AGTPBP1: variants seen among roughly 807,000 people sequenced by gnomAD.
AGTPBP1 encodes the protein ATP/GTP binding carboxypeptidase 1.
AGTPBP1 carries 70 observed loss-of-function variants against 143.9 expected under a neutral mutation model. The observed-to-expected ratio is 0.49, with a 90% CI of 0.40 to 0.59. The LOEUF is 0.59. Ranked by LOEUF, AGTPBP1 falls within the 20% of genes least tolerant of loss-of-function variation. The pLI is 0.00. For missense variants in AGTPBP1, 1,229 were observed against 1,464.5 expected (o/e 0.84, Z 2.62); for synonymous variants, 463 against 500.2 (o/e 0.93, Z 0.99).
chr9:85,797,961 C>G, the AGTPBP1 span, among the ~76,000 whole-genome samples: 1 of 152,148 alleles, frequency 6.6e-6, no homozygotes, highest in South Asian at 2.1e-4. Flanking sequence ...GGCATAATCT[C>G]CGCTCACTGC....
chr9:85,682,625 C>G (rs1835258130), intron 3 of AGTPBP1, among the ~76,000 whole-genome samples: 1 of 152,174 alleles, frequency 6.6e-6, no homozygotes, highest in South Asian at 2.1e-4. Context: ...TCAACCCACT[C>G]TCAATACAGT....
At chr9:85,562,646 T>G (rs1826815412) in intron 25 of AGTPBP1, among the ~76,000 whole-genome samples, 1 of 152,198 alleles carries the variant, frequency 6.6e-6, no homozygotes, top group African/African-American at 2.4e-5. Flanking sequence ...AGAAACTAAA[T>G]GGAACGACTG....
chr9:85,725,548 A>G (rs1010562875), intron 1 of AGTPBP1, among the ~76,000 whole-genome samples: 1 of 152,136 alleles, frequency 6.6e-6, no homozygotes, highest in Non-Finnish European at 1.5e-5. Context: ...CTCCATAGGC[A>G]CCGCCAACTA....
chr9:85,635,756 T>C (rs963093216), intron 13 of AGTPBP1, among the ~76,000 whole-genome samples: 1 of 151,800 alleles, frequency 6.6e-6, no homozygotes, highest in African/African-American at 2.4e-5. Context: ...TTAAGGTGAT[T>C]TCCCTCTCAA....
the AGTPBP1 span, among the ~76,000 whole-genome samples, chr9:85,783,186 G>A: frequency 1.3e-5 from 2 of 152,198 alleles, no homozygotes; most frequent in African/African-American, 2.4e-5. Context: ...TTGGAGAGGT[G>A]TAAAATGAGA....
chr9:85,675,155 C>A (rs964602354), intron 6 of AGTPBP1, among the ~76,000 whole-genome samples: 3 of 152,112 alleles, frequency 2.0e-5, no homozygotes, highest in Non-Finnish European at 4.4e-5. Flanking sequence ...CTTGGCCTCT[C>A]AAAGTGCTGG....
chr9:85,596,301 G>T, intron 18 of AGTPBP1, 61 bp downstream of exon 18: 1 of 1,133,318 alleles, frequency 8.8e-7, no homozygotes, highest in Non-Finnish European at 1.3e-6. Flanking sequence ...CACTGAAACA[G>T]GATGTACTTA....
chr9:85,717,641 A>T (rs565700389), intron 1 of AGTPBP1, among the ~76,000 whole-genome samples: 2 of 151,996 alleles, frequency 1.3e-5, no homozygotes, highest in East Asian at 3.9e-4. Context: ...TAATTAGGTC[A>T]TAAGGGTGGA....
chr9:85,711,366 A>G (rs1312385757), intron 2 of AGTPBP1, among the ~76,000 whole-genome samples: 2 of 152,102 alleles, frequency 1.3e-5, no homozygotes, highest in Non-Finnish European at 2.9e-5. Flanking sequence ...CAATTTCTTG[A>G]TATTTAAGAA....
intron 3 of AGTPBP1, among the ~76,000 whole-genome samples, chr9:85,684,220 C>T (rs1351229134): frequency 6.6e-6 from 1 of 152,110 alleles, no homozygotes; most frequent in Non-Finnish European, 1.5e-5. Context: ...CTACATTTTT[C>T]CTCATTAAAA....
chr9:85,744,486 G>T (rs1454411038), upstream of AGTPBP1, among the ~76,000 whole-genome samples: 1 of 152,166 alleles, frequency 6.6e-6, no homozygotes, highest in Non-Finnish European at 1.5e-5. Flanking sequence ...CCAGGTTCTT[G>T]TCTCAAGACC....
intron 3 of AGTPBP1, among the ~76,000 whole-genome samples, chr9:85,691,537 G>T (rs1011277842): frequency 1.4e-5 from 1 of 71,590 alleles, no homozygotes; most frequent in Non-Finnish European, 2.6e-5. Context: ...AAAAAAGAGG[G>T]TGTGTGTGTG....
chr9:85,647,016 G>A (rs4877944), intron 11 of AGTPBP1, among the ~76,000 whole-genome samples: 37,025 of 152,006 alleles, frequency 0.24, 5,102 homozygotes, highest in East Asian at 0.52. Flanking sequence ...AGTGGCTCAC[G>A]CCTGTAATCC....
chr9:85,752,643 A>C, the AGTPBP1 span, among the ~76,000 whole-genome samples: 1 of 152,184 alleles, frequency 6.6e-6, no homozygotes, highest in East Asian at 1.9e-4. Flanking sequence ...CCCTGGTCTG[A>C]TCACTATACA....
At chr9:85,670,576 T>A (rs780826428) in intron 7 of AGTPBP1, among the ~76,000 whole-genome samples, 1 of 152,188 alleles carries the variant, frequency 6.6e-6, no homozygotes, top group Non-Finnish European at 1.5e-5. Context: ...ATTAAATATA[T>A]TGTAGAACCA....
chr9:85,740,924 A>C (rs1824215549), intron 1 of AGTPBP1, among the ~76,000 whole-genome samples: 1 of 152,198 alleles, frequency 6.6e-6, no homozygotes, highest in Non-Finnish European at 1.5e-5. Context: ...CGATTACACT[A>C]TGATGCATGA....
chr9:85,575,355 A>AT lies in AGTPBP1; in HGVS notation c.3462_3463insA (p.Phe1155IlefsTer2). ...CTTGATTCAATTAAATCATTTTCAA[A>AT]GTCAAGCAGGCTGGAAGGCAGATTA... On this transcript the variant is annotated frameshift_variant, in exon 25 of 26. Coordinates refer to ENST00000357081, the MANE Select transcript of AGTPBP1 (RefSeq NM_001330701.2). LOFTEE classifies it high-confidence loss of function. The AT allele has an allele frequency of 6.3e-7, 1 of 1,599,896 alleles. No individual in the cohort carries two copies. Among genetic ancestry groups the AT allele is most frequent in the Non-Finnish European group, 8.5e-7 (1 of 1,176,110 alleles).
chr9:85,718,494 T>C (rs991514866), intron 1 of AGTPBP1, among the ~76,000 whole-genome samples: 2 of 152,348 alleles, frequency 1.3e-5, no homozygotes, highest in South Asian at 4.1e-4. Context: ...TTCATATCCT[T>C]TGCCCACTTT....
At chr9:85,630,377 T>G (rs958674703) in intron 14 of AGTPBP1, among the ~76,000 whole-genome samples, 2 of 151,428 alleles carry the variant, frequency 1.3e-5, no homozygotes, top group African/African-American at 2.4e-5. Context: ...AGGATTGACT[T>G]ACTTACTTAC....
Sources: allele counts gnomAD v4.1 joint callset (sites outside exome capture counted in the v4.1 genomes callset), GRCh38; gene constraint gnomAD v4.1.1; transcripts MANE v1.5; gene names NCBI Gene and HGNC (gene_info 2026-07-23, HGNC 2026-07-21).